Variants in PSG2 observed in about 807,000 individuals in gnomAD.
The protein encoded by PSG2 is pregnancy specific beta-1-glycoprotein 2, also known as pregnancy-specific beta-1-glycoprotein 2.
Under a neutral mutation model 36.2 loss-of-function variants are expected in PSG2, and 49 were observed. That is an observed-to-expected ratio of 1.35 (90% CI 1.08 to 1.72). The LOEUF is 1.72. Among genes scored for constraint, PSG2 ranks in the 40% most tolerant of loss-of-function variants. PSG2 has a pLI of 0.00. For synonymous variants in PSG2, 261 were observed against 155.6 expected, an observed-to-expected ratio of 1.68 and a Z score of -5.04; for missense variants, 605 against 407.2, an observed-to-expected ratio of 1.49 and a Z score of -4.18.
In PSG2 at chr19:43,079,106, T is replaced by C. The variant is rs563772902; in HGVS notation, c.430+1775A>G. The stretch of plus-strand genomic sequence containing the variant: ...TTAGAGGGAGTGTCTGGGGAAGGCC[T>C]AGGTGTGAGGGAAGAAGCTGTGCAG... On this transcript the variant is annotated intron_variant, in intron 2 of 5. Transcript: ENST00000406487. 4.4e-4 allele frequency among the ~76,000 whole-genome samples: 66 copies of C among 151,578 alleles called. No homozygotes were observed. The Middle Eastern group carries it at 0.01, about 23-fold the overall frequency.
rs1967759863 is a variant in PSG2 at position 43,067,717 on chromosome 19, C to T, written c.965-1117G>A. On this transcript the variant is annotated intron_variant, in intron 4 of 5. Transcript: ENST00000406487. ...GATGATGATGATAGTAATATAGTAG[C>T]TGACATTGGTTCCTCTGTGTGTGGC... 2.0e-5 allele frequency among the ~76,000 whole-genome samples: 3 copies of T among 151,312 alleles called. No individual in the cohort carries two copies. In the South Asian group the frequency reaches 6.2e-4, roughly 31 times the overall value.
intron 2 of PSG2, among the ~76,000 whole-genome samples, chr19:43,080,234 T>A (rs1967952385): frequency 6.6e-6 from 1 of 151,796 alleles, no homozygotes; most frequent in South Asian, 2.1e-4. Context: ...CCTAAGGCAG[T>A]TGGCTGATGG....
chr19:43,080,905 C>T lies in PSG2; in HGVS notation c.406G>A (p.Gly136Arg). Reference protein sequence around the residue: ...KRGDGTRGVTGYFTFTLYLET... With the variant: ...KRGDGTRGVTRYFTFTLYLET... ...CGGTATAAGGTGAAGGTGAAATATC[C>T]AGTTACTCCTCTAGTCCCATCACCT... The change falls in exon 2 of 6, where the codon GGA (glycine) becomes AGA (arginine). Residue 136 changes from glycine to arginine, a missense_variant. Physicochemically the swap from Gly to Arg is moderately radical, Grantham distance 125. Coordinates refer to ENST00000406487, the MANE Select transcript of PSG2 (RefSeq NM_031246.4). 3 of 1,612,388 alleles carry T rather than the reference C, an allele frequency of 1.9e-6. No homozygotes were observed. Among genetic ancestry groups the T allele is most frequent in the Non-Finnish European group, 2.5e-6 (3 of 1,179,288 alleles).
Position 43,072,730 on chromosome 19 carries a change from T to C in PSG2, c.710-776A>G, listed in dbSNP as rs1967837460. 9 of 1,547,700 alleles carry C rather than the reference T, an allele frequency of 5.8e-6. No homozygotes were observed. In the East Asian group the frequency reaches 6.7e-5, roughly 12 times the overall value. ...ACCATCTCCCACCTCTCAGCCCACC[T>C]GAGTCCTTGAAAGCCAATAACTGGT... is the stretch of plus-strand genomic sequence containing the variant. On this transcript the variant is annotated intron_variant, in intron 3 of 5. Transcript: ENST00000406487.
intron 3 of PSG2, chr19:43,072,574 C>A: frequency 1.2e-6 from 2 of 1,611,350 alleles, no homozygotes; most frequent in South Asian, 1.1e-5. Context: ...CTAATACATC[C>A]TTATTCTCCC....
Position 43,071,778 on chromosome 19 carries a change from T to C in PSG2, c.886A>G (p.Ser296Gly), listed in dbSNP as rs1226457542. 3.1e-6 allele frequency: 5 copies of C among 1,612,762 alleles called. No homozygotes were observed. The highest frequency in any genetic ancestry group is 4.2e-6 in the Non-Finnish European group (5 of 1,179,308). The change falls in exon 4 of 6, where the codon AGC (serine) becomes GGC (glycine). Residue 296 changes from serine to glycine, a missense_variant. Transcript: ENST00000406487. The stretch of plus-strand genomic sequence containing the variant: ...CGAACAGAGCAAACATAGAGCCCGC[T>C]ATGCTTTGTAGTAATTTGGGGGATA... ...LFIPQITTKHSGLYVCSVRNS... is the reference protein window; with the variant it reads ...LFIPQITTKHGGLYVCSVRNS...
At position 43,069,746 on chromosome 19, in the gene PSG2, C is replaced by A. The variant is rs375576953; in HGVS notation, c.964+1954G>T. Among the ~76,000 whole-genome samples the A allele has an allele frequency of 1.6e-3, 249 of 151,728 alleles. 10 individuals carry two copies. Among genetic ancestry groups the A allele is most frequent in the African/African-American group, 5.7e-3 (234 of 41,138 alleles). ...AAATGTAAGAGCAAAAACTGTACAA[C>A]TCTTAGAAGAAAAGCTTCATGATGC... On this transcript the variant is annotated intron_variant, in intron 4 of 5. Coordinates refer to ENST00000406487, the MANE Select transcript of PSG2 (RefSeq NM_031246.4).
chr19:43,073,869 C>G (rs142778077), intron 3 of PSG2, among the ~76,000 whole-genome samples: 2 of 151,724 alleles, frequency 1.3e-5, no homozygotes, highest in Non-Finnish European at 2.9e-5. Flanking sequence ...CATATACTTA[C>G]TGGTTTAGCA....
chr19:43,064,932 T>G (rs1246435285), intron 5 of PSG2, among the ~76,000 whole-genome samples: 1 of 151,768 alleles, frequency 6.6e-6, no homozygotes, highest in Non-Finnish European at 1.5e-5. Context: ...CCGCGGTTCA[T>G]GCCATTCTCC....
At chr19:43,069,365 C>A (rs998996824) in intron 4 of PSG2, among the ~76,000 whole-genome samples, 1 of 151,496 alleles carries the variant, frequency 6.6e-6, no homozygotes, top group Non-Finnish European at 1.5e-5. Context: ...AAAAATCTGT[C>A]CTAAAATTTA....
rs763697851 is a variant in PSG2, at chr19:43,066,630, T to C, written c.965-30A>G. On this transcript the variant is annotated intron_variant, in intron 4 of 5. Coordinates refer to ENST00000406487, the MANE Select transcript of PSG2 (RefSeq NM_031246.4). ...CATGGAAAGAAAAGTAAAGAAGGAA[T>C]GAAGGTGATGTTATTTTACATGGGG... 3.2e-6 allele frequency: 5 copies of C among 1,562,262 alleles called. No homozygotes were observed. In the Admixed American group the frequency reaches 8.4e-5, roughly 26 times the overall value.
At position 43,081,225 on chromosome 19, in the gene PSG2, T is replaced by C. The variant is rs1599711995; in HGVS notation, c.86A>G (p.Asn29Ser). The C allele has an allele frequency of 1.9e-6, 3 of 1,612,316 alleles. No homozygotes were observed. The highest frequency in any genetic ancestry group is 2.5e-6 in the Non-Finnish European group (3 of 1,179,496). ...LVTASLLNFW[N>S]LPTTAQVTIE... ...CGTGACTTGGGCAGTGGTGGGCAGG[T>C]TCCAGAAGTTTAAAAGTGATGCTAG... Residue 29 changes from asparagine to serine, a missense_variant, in exon 2 of 6, where the codon AAC (asparagine) becomes AGC (serine). Physicochemically the swap from Asn to Ser is conservative, Grantham distance 46. Transcript: ENST00000406487.
At chr19:43,072,151 CACG>C (rs1967828172) in intron 3 of PSG2, among the ~76,000 whole-genome samples, 197 bp from the exon 4 acceptor site, 1 of 151,564 alleles carries the variant, frequency 6.6e-6, no homozygotes, top group South Asian at 2.1e-4. Flanking sequence ...CCAAGTCTCC[CACG>C]ACAAGACCGT....
In PSG2 at chr19:43,071,784, T is replaced by G. The variant is rs762500009; in HGVS notation, c.880A>C (p.Lys294Gln). The stretch of plus-strand genomic sequence containing the variant: ...GAGCAAACATAGAGCCCGCTATGCT[T>G]TGTAGTAATTTGGGGGATAAACAGA... The part of the protein sequence containing the change: ...QNLFIPQITT[K>Q]HSGLYVCSVR... The change falls in exon 4 of 6, where the codon AAG becomes CAG. Residue 294 changes from lysine (K) to glutamine (Q), a missense_variant. Coordinates refer to ENST00000406487, the MANE Select transcript of PSG2 (RefSeq NM_031246.4). The G allele has an allele frequency of 7.4e-6, 12 of 1,612,424 alleles. 1 individual carries two copies. Among genetic ancestry groups the G allele is most frequent in the Non-Finnish European group, 5.1e-6 (6 of 1,179,178 alleles).
At position 43,069,320 on chromosome 19, in the gene PSG2, C is replaced by T. The variant is rs753417036; in HGVS notation, c.964+2380G>A. Among the ~76,000 whole-genome samples the T allele has an allele frequency of 4.1e-4, 62 of 151,594 alleles. 1 individual carries two copies. The highest frequency in any genetic ancestry group is 1.2e-3 in the Admixed American group (18 of 15,238). On this transcript the variant is annotated intron_variant, in intron 4 of 5. Transcript: ENST00000406487. ...GCTGCGGATTCAATACAATTCCTAT[C>T]AATCAGAATCTCAGTGACATTTTTG...
rs752582865 is a variant in PSG2, at chr19:43,078,081, T to G, written c.431-2449A>C. On this transcript the variant is annotated intron_variant, in intron 2 of 5. Transcript: ENST00000406487. Reference sequence around the variant, plus strand: ...CAGCCTCTGACACCCTGGTGAGTCATTGCAGAGATTACAACAGTGACAGCA... The same window carrying G: ...CAGCCTCTGACACCCTGGTGAGTCAGTGCAGAGATTACAACAGTGACAGCA... Among the ~76,000 whole-genome samples, 10 of 151,834 alleles carry G rather than the reference T, an allele frequency of 6.6e-5. 1 individual carries two copies. In the Middle Eastern group the frequency reaches 0.01, roughly 155 times the overall value.
chr19:43,081,251 G>C lies in PSG2; in HGVS notation c.65-5C>G, dbSNP rs1479128534. 1 of 1,609,948 alleles carries C rather than the reference G, an allele frequency of 6.2e-7. No homozygotes were observed. Among genetic ancestry groups the C allele is most frequent in the African/African-American group, 1.4e-5 (1 of 73,834 alleles). ...TCCAGAAGTTTAAAAGTGATGCTAGGAGGTGGAGAGAGCATCAGACAATAT... is the reference window on the plus strand; with the variant it reads ...TCCAGAAGTTTAAAAGTGATGCTAGCAGGTGGAGAGAGCATCAGACAATAT... On this transcript the variant is annotated splice_region_variant and splice_polypyrimidine_tract_variant and intron_variant, in intron 1 of 5. Coordinates refer to ENST00000406487, the MANE Select transcript of PSG2 (RefSeq NM_031246.4).
chr19:43,068,466 AAAAG>A lies in PSG2; in HGVS notation c.965-1870_965-1867del, dbSNP rs538043371. ...CTCTCTCTTTTCAACAAAAAAAAAA[AAAAG>A]AAAGAAAGAAAGAAAGAAAGAAAAA... On this transcript the variant is annotated intron_variant, in intron 4 of 5. Transcript: ENST00000406487. Among the ~76,000 whole-genome samples the A allele has an allele frequency of 3.3e-3, 485 of 147,106 alleles. 4 individuals carry two copies. Among genetic ancestry groups the A allele is most frequent in the Middle Eastern group, 6.9e-3 (2 of 288 alleles).
intron 1 of PSG2, chr19:43,081,994 GAT>G (rs1967983855): frequency 6.5e-6 from 1 of 153,332 alleles, no homozygotes; most frequent in South Asian, 2.0e-4. Flanking sequence ...GAACACTTAA[GAT>G]TTTCCTACCT....
Sources: gnomAD v4.1 joint callset for allele counts (sites outside exome capture counted in the v4.1 genomes callset) on GRCh38, gnomAD v4.1.1 for gene constraint, MANE v1.5 for transcripts, NCBI Gene and HGNC (gene_info 2026-07-23, HGNC 2026-07-21) for gene names.